GALNTL5: variants seen among roughly 807,000 people sequenced by gnomAD.
GALNTL5 encodes the protein inactive polypeptide N-acetylgalactosaminyltransferase-like protein 5.
GALNTL5 carries 44 observed loss-of-function variants against 51.0 expected under a neutral mutation model. That is an observed-to-expected ratio of 0.86 (90% CI 0.68 to 1.11). GALNTL5 has a LOEUF of 1.11. Ranked by LOEUF, GALNTL5 falls within the 50% of genes least tolerant of loss-of-function variation. The pLI is 0.00. For synonymous variants in GALNTL5, 192 were observed against 182.8 expected, an observed-to-expected ratio of 1.05 and a Z score of -0.41; for missense variants, 528 against 531.8, an observed-to-expected ratio of 0.99 and a Z score of 0.07.
At chr7:151,957,561 G>A (rs928058855) in intron 1 of GALNTL5, among the ~76,000 whole-genome samples, 6 of 119,146 alleles carry the variant, frequency 5.0e-5, no homozygotes, top group Non-Finnish European at 6.8e-5. Context: ...AAAAAAAAAA[G>A]AAAAGAAAAA....
At chr7:151,978,364 CT>C (rs2081232719) in intron 3 of GALNTL5, among the ~76,000 whole-genome samples, 1 of 152,116 alleles carries the variant, frequency 6.6e-6, no homozygotes, top group African/African-American at 2.4e-5. Flanking sequence ...TTCTAATGTG[CT>C]TAAAAGATTG....
chr7:151,957,000 C>T (rs1474341092), intron 1 of GALNTL5, among the ~76,000 whole-genome samples: 1 of 151,922 alleles, frequency 6.6e-6, no homozygotes, highest in East Asian at 1.9e-4. Flanking sequence ...CCTAGGAAAG[C>T]TAGGGGTTAA....
chr7:152,008,993 A>G (rs2081693432), intron 7 of GALNTL5, among the ~76,000 whole-genome samples: 1 of 152,164 alleles, frequency 6.6e-6, no homozygotes, highest in African/African-American at 2.4e-5. Context: ...TACATTCCCT[A>G]TAGATAGCAA....
intron 5 of GALNTL5, among the ~76,000 whole-genome samples, chr7:151,992,951 A>G (rs1357369837): frequency 6.6e-6 from 1 of 152,092 alleles, no homozygotes; most frequent in African/African-American, 2.4e-5. Context: ...CAAAAGTAAG[A>G]TGCGGACTGG....
At chr7:152,012,901 G>GGCATCCAGGCTGGATGACAGA (rs1286115381) in intron 7 of GALNTL5, among the ~76,000 whole-genome samples, 38 of 151,958 alleles carry the variant, frequency 2.5e-4, no homozygotes, top group Middle Eastern at 3.4e-3. Context: ...TGGATGGCGG[G>GGCATCCAGGCTGGATGACAGA]GCATCCAGGC....
chr7:151,973,133 C>T (rs946868640), intron 3 of GALNTL5, among the ~76,000 whole-genome samples: 1 of 152,070 alleles, frequency 6.6e-6, no homozygotes, highest in Non-Finnish European at 1.5e-5. Context: ...GGATGTGAGA[C>T]TTGGAGTCAA....
chr7:151,994,210 T>C (rs2081463443), intron 5 of GALNTL5, among the ~76,000 whole-genome samples: 1 of 152,214 alleles, frequency 6.6e-6, no homozygotes, highest in Non-Finnish European at 1.5e-5. Flanking sequence ...AAGTATGGGA[T>C]CCTGTTGTGT....
At position 151,965,762 on chromosome 7, in the gene GALNTL5, C is replaced by A. The variant is rs10249474; in HGVS notation, c.-39-1446C>A. On this transcript the variant is annotated intron_variant, in intron 1 of 8. Transcript: ENST00000392800. ...ATTAGCCACGCGTGGTGGCATGTGC[C>A]TGTGGTCTCAGCTATTCAGGAAGCT... is the stretch of plus-strand genomic sequence containing the variant. 6.6e-3 allele frequency among the ~76,000 whole-genome samples: 1,002 copies of A among 152,132 alleles called. 5 individuals are homozygous for A. The highest frequency in any genetic ancestry group is 0.023 in the African/African-American group (953 of 41,476).
chr7:151,961,916 C>CCCTGCCCAGTT (rs1322698567), intron 1 of GALNTL5, among the ~76,000 whole-genome samples: 1 of 151,718 alleles, frequency 6.6e-6, no homozygotes, highest in Non-Finnish European at 1.5e-5. Flanking sequence ...ATCAGCAGGT[C>CCCTGCCCAGTT]CCTGCCCAGT....
intron 5 of GALNTL5, among the ~76,000 whole-genome samples, chr7:151,991,293 A>C (rs1252619538): frequency 6.6e-6 from 1 of 152,070 alleles, no homozygotes; most frequent in Non-Finnish European, 1.5e-5. Context: ...GGGTTTCGCC[A>C]TGTTGGTCAG....
intron 1 of GALNTL5, among the ~76,000 whole-genome samples, chr7:151,964,922 G>C (rs1231656782): frequency 6.6e-6 from 1 of 152,188 alleles, no homozygotes; most frequent in Non-Finnish European, 1.5e-5. Context: ...GGGATCCTGT[G>C]TGGGAGGAAG....
At chr7:151,957,606 A>G (rs528434941) in intron 1 of GALNTL5, among the ~76,000 whole-genome samples, 38 of 151,752 alleles carry the variant, frequency 2.5e-4, no homozygotes, top group African/African-American at 8.5e-4. Context: ...GTAAATGCAG[A>G]TTTAGGCTAG....
intron 4 of GALNTL5, among the ~76,000 whole-genome samples, chr7:151,985,233 C>T (rs1024919948): frequency 3.9e-5 from 6 of 152,134 alleles, no homozygotes; most frequent in African/African-American, 1.2e-4. Context: ...ACATACCGGC[C>T]GTAAGATCTG....
chr7:152,003,937 C>T (rs2081612331), intron 6 of GALNTL5, among the ~76,000 whole-genome samples: 3 of 152,098 alleles, frequency 2.0e-5, no homozygotes, highest in Admixed American at 2.0e-4. Flanking sequence ...TTCTAATACA[C>T]TGCTCGTGTG....
rs1309171891 is a variant in GALNTL5 at position 151,956,603 on chromosome 7, C to T, written c.-46C>T. On this transcript the variant is annotated 5_prime_UTR_variant, in exon 1 of 9. Transcript: ENST00000392800. Reference sequence around the variant, plus strand: ...GTTACAAAGCAGCCAATGCAATTATCTCAAGGGTAGGTGAAGTGAGCCCCA... The same window carrying T: ...GTTACAAAGCAGCCAATGCAATTATTTCAAGGGTAGGTGAAGTGAGCCCCA... The T allele has an allele frequency of 2.0e-5, 3 of 152,184 alleles. No homozygotes were observed. The highest frequency in any genetic ancestry group is 4.4e-5 in the Non-Finnish European group (3 of 68,040). The allele number at this position is 152,184 out of a possible 1,614,324, so 9.4% of individuals were successfully genotyped here.
At chr7:151,961,012 G>T (rs964864145) in intron 1 of GALNTL5, among the ~76,000 whole-genome samples, 1 of 152,214 alleles carries the variant, frequency 6.6e-6, no homozygotes, top group Non-Finnish European at 1.5e-5. Context: ...CCAGTTCCTG[G>T]GACATGCCTA....
At chr7:151,958,964 A>T (rs2080959907) in intron 1 of GALNTL5, among the ~76,000 whole-genome samples, 1 of 152,186 alleles carries the variant, frequency 6.6e-6, no homozygotes, top group Non-Finnish European at 1.5e-5. Flanking sequence ...AGAATGGGGA[A>T]GTACATGCTG....
intron 8 of GALNTL5, among the ~76,000 whole-genome samples, chr7:152,019,105 T>C (rs2081855622): frequency 6.6e-6 from 1 of 152,214 alleles, no homozygotes; most frequent in Non-Finnish European, 1.5e-5. Flanking sequence ...GTGCCAACCA[T>C]GCTCGCCCAG....
intron 3 of GALNTL5, among the ~76,000 whole-genome samples, chr7:151,974,966 G>A (rs1446730598): frequency 6.6e-6 from 1 of 152,128 alleles, no homozygotes; most frequent in Non-Finnish European, 1.5e-5. Flanking sequence ...TAACTTCTAA[G>A]AGCAACTACC....
Sources: gnomAD v4.1 joint callset for allele counts (sites outside exome capture counted in the v4.1 genomes callset) on GRCh38, gnomAD v4.1.1 for gene constraint, MANE v1.5 for transcripts, NCBI Gene and HGNC (gene_info 2026-07-23, HGNC 2026-07-21) for gene names.